FMNL2: variants seen among roughly 807,000 people sequenced by gnomAD.
FMNL2 encodes formin like 2, also known as formin-like protein 2.
A neutral mutation model predicts 130.2 loss-of-function variants in FMNL2; 51 were observed. The ratio of observed to expected loss-of-function variants is 0.39; its 90% CI spans 0.31 to 0.49. The LOEUF (loss-of-function observed/expected upper bound fraction) is 0.49. Ranked by LOEUF, FMNL2 falls within the 20% of genes least tolerant of loss-of-function variation. The probability of loss-of-function intolerance (pLI) is 0.85; values close to 1 mark genes in which losing one functional copy is unlikely to be tolerated. For synonymous variants in FMNL2, 465 were observed against 467.1 expected, an observed-to-expected ratio of 1.00 and a Z score of 0.06; for missense variants, 977 against 1,316.2, an observed-to-expected ratio of 0.74 and a Z score of 3.99.
intron 1 of FMNL2, among the ~76,000 whole-genome samples, chr2:152,344,179 C>T (rs963272482): frequency 6.6e-6 from 1 of 152,110 alleles, no homozygotes; most frequent in East Asian, 1.9e-4. Flanking sequence ...AAAACAGAAA[C>T]CCACAAATGC....
intron 1 of FMNL2, among the ~76,000 whole-genome samples, chr2:152,461,043 C>T (rs1023580037): frequency 2.0e-5 from 3 of 152,146 alleles, no homozygotes; most frequent in African/African-American, 7.2e-5. Context: ...GTCCCTGGTT[C>T]CTGGTACCAG....
intron 15 of FMNL2, chr2:152,621,105 T>A: frequency 1.0e-6 from 1 of 985,396 alleles, no homozygotes; most frequent in Non-Finnish European, 1.2e-6. Flanking sequence ...AGTAACTGGG[T>A]GTGGAAACCC....
chr2:152,369,933 G>T (rs1683777852), intron 1 of FMNL2, among the ~76,000 whole-genome samples: 1 of 152,130 alleles, frequency 6.6e-6, no homozygotes, highest in African/African-American at 2.4e-5. Context: ...GTATTGTGGG[G>T]AATAGGGTAT....
At chr2:152,634,459 T>C (rs1191049695) in intron 21 of FMNL2, among the ~76,000 whole-genome samples, 1 of 152,102 alleles carries the variant, frequency 6.6e-6, no homozygotes, top group Non-Finnish European at 1.5e-5. Flanking sequence ...AAATACATCT[T>C]TAGTAATCAA....
At chr2:152,382,735 T>C (rs1002432071) in intron 1 of FMNL2, among the ~76,000 whole-genome samples, 2 of 152,160 alleles carry the variant, frequency 1.3e-5, no homozygotes, top group Non-Finnish European at 2.9e-5. Flanking sequence ...TATAAACTTA[T>C]ATAAAAAAAT....
At chr2:152,394,654 C>T (rs1302300109) in intron 1 of FMNL2, among the ~76,000 whole-genome samples, 1 of 145,506 alleles carries the variant, frequency 6.9e-6, no homozygotes, top group Non-Finnish European at 1.5e-5. Flanking sequence ...AGAATGACAA[C>T]TTGATCTCCC....
intron 1 of FMNL2, among the ~76,000 whole-genome samples, chr2:152,370,524 T>A (rs1683816560): frequency 6.6e-6 from 1 of 152,148 alleles, no homozygotes; most frequent in South Asian, 2.1e-4. Flanking sequence ...ATTGATTGAG[T>A]TGATTGGAAG....
intron 9 of FMNL2, among the ~76,000 whole-genome samples, chr2:152,592,248 AAG>A (rs1162413193): frequency 1.3e-5 from 2 of 152,256 alleles, no homozygotes; most frequent in Non-Finnish European, 2.9e-5. Context: ...TTAAAACTTT[AAG>A]AATTGTGCAT....
intron 9 of FMNL2, among the ~76,000 whole-genome samples, chr2:152,605,901 T>A (rs1698335700): frequency 6.6e-6 from 1 of 152,220 alleles, no homozygotes; most frequent in Non-Finnish European, 1.5e-5. Flanking sequence ...GGTTTAATGC[T>A]TCATCATGGA....
At position 152,646,686 on chromosome 2, in the gene FMNL2, A is replaced by T. The variant is rs114083022; in HGVS notation, c.3170-1110A>T. ...TAGATAAAGGGATACAAAAGATTCA[A>T]TTTGGTTTAATTCTGTTATTTGTTT... On this transcript the variant is annotated intron_variant, in intron 25 of 25. Coordinates refer to ENST00000288670, the MANE Select transcript of FMNL2 (RefSeq NM_052905.4). 4.3e-3 allele frequency among the ~76,000 whole-genome samples: 655 copies of T among 152,320 alleles called. 8 individuals are homozygous for T. Among genetic ancestry groups the T allele is most frequent in the African/African-American group, 0.015 (632 of 41,560 alleles).
At chr2:152,623,247 G>T (rs995164317) in intron 15 of FMNL2, among the ~76,000 whole-genome samples, 6 of 152,154 alleles carry the variant, frequency 3.9e-5, no homozygotes, top group African/African-American at 1.4e-4. Context: ...ACTCCTCTGC[G>T]GCCCTTCTGC....
chr2:152,629,541 C>A lies in FMNL2; in HGVS notation c.2401-115C>A, dbSNP rs185929492. On this transcript the variant is annotated intron_variant, in intron 18 of 25. Transcript: ENST00000288670. ...GAAAAAGTAGACTCTCACCATGAAG[C>A]CTGTATGCTCTAAATGCAGGCCTGT... 18 of 884,428 alleles carry A rather than the reference C, an allele frequency of 2.0e-5. No individual in the cohort carries two copies. In the East Asian group the frequency reaches 4.8e-4, roughly 23 times the overall value. The allele number at this position is 884,428 out of a possible 1,614,324, so 54.8% of individuals were successfully genotyped here.
intron 1 of FMNL2, among the ~76,000 whole-genome samples, chr2:152,351,709 A>T (rs907513643): frequency 6.6e-6 from 1 of 152,180 alleles, no homozygotes. Context: ...TCTTTTGGGT[A>T]TATACCCATA....
rs551685163 is a variant in FMNL2 at position 152,649,817 on chromosome 2, T to G, written c.*1912T>G. ...GCATATGAGCAAATAATAAACTATTTACACTACTATTCTGTAATATGTTGT... is the reference window on the plus strand; with the variant it reads ...GCATATGAGCAAATAATAAACTATTGACACTACTATTCTGTAATATGTTGT... On this transcript the variant is annotated 3_prime_UTR_variant, in exon 26 of 26. Coordinates refer to ENST00000288670, the MANE Select transcript of FMNL2 (RefSeq NM_052905.4). The G allele has an allele frequency of 6.5e-6, 1 of 152,802 alleles. No individual in the cohort carries two copies. The highest frequency in any genetic ancestry group is 2.1e-4 in the South Asian group (1 of 4,830). The allele number at this position is 152,802 out of a possible 1,614,324, so 9.5% of individuals were successfully genotyped here.
intron 1 of FMNL2, among the ~76,000 whole-genome samples, chr2:152,397,005 G>A (rs1450609524): frequency 6.6e-6 from 1 of 152,176 alleles, no homozygotes; most frequent in East Asian, 1.9e-4. Context: ...GACTAAATAT[G>A]TTATTTCTGT....
chr2:152,396,937 A>G (rs1321873136), intron 1 of FMNL2, among the ~76,000 whole-genome samples: 1 of 152,228 alleles, frequency 6.6e-6, no homozygotes, highest in African/African-American at 2.4e-5. Flanking sequence ...TTAAAGAATC[A>G]TAAGACTATG....
At chr2:152,504,428 G>A (rs567447034) in intron 1 of FMNL2, among the ~76,000 whole-genome samples, 2 of 151,820 alleles carry the variant, frequency 1.3e-5, no homozygotes, top group South Asian at 2.1e-4. Context: ...TTTATTTTTC[G>A]TAGAGATGGG....
chr2:152,361,750 A>T (rs1683193102), intron 1 of FMNL2, among the ~76,000 whole-genome samples: 1 of 152,164 alleles, frequency 6.6e-6, no homozygotes, highest in Non-Finnish European at 1.5e-5. Context: ...CGCAAACTAG[A>T]TTAACTATCA....
intron 6 of FMNL2, among the ~76,000 whole-genome samples, chr2:152,561,465 T>A (rs1695518704): frequency 6.6e-6 from 1 of 152,250 alleles, no homozygotes; most frequent in East Asian, 1.9e-4. Context: ...TCAGGTTGTG[T>A]GCTGTGGGTG....
Sources: gnomAD v4.1 joint callset for allele counts (sites outside exome capture counted in the v4.1 genomes callset) on GRCh38, gnomAD v4.1.1 for gene constraint, MANE v1.5 for transcripts, NCBI Gene and HGNC (gene_info 2026-07-23, HGNC 2026-07-21) for gene names.